Variants in MAPK14 observed in about 807,000 individuals in gnomAD.
MAPK14 encodes the protein CSAID-binding protein.
Under a neutral mutation model 49.6 loss-of-function variants are expected in MAPK14, and 16 were observed. The observed-to-expected ratio is 0.32, with a 90% confidence interval of 0.22 to 0.49. The LOEUF is 0.49. Ranked by LOEUF, MAPK14 falls within the 20% of genes least tolerant of loss-of-function variation. The probability of loss-of-function intolerance (pLI) is 0.99; values close to 1 mark genes in which losing one functional copy is unlikely to be tolerated. For synonymous variants in MAPK14, 142 were observed against 158.0 expected, an observed-to-expected ratio of 0.90 and a Z score of 0.76; for missense variants, 200 against 441.2, an observed-to-expected ratio of 0.45 and a Z score of 4.90.
chr6:36,042,066 A>C (rs919305315), intron 1 of MAPK14, among the ~76,000 whole-genome samples: 6 of 152,154 alleles, frequency 3.9e-5, no homozygotes, highest in African/African-American at 1.2e-4. Flanking sequence ...GAGAATAGAT[A>C]TGAAAAGGAC....
chr6:36,044,615 C>A (rs984184506), intron 1 of MAPK14, among the ~76,000 whole-genome samples: 2 of 152,186 alleles, frequency 1.3e-5, no homozygotes, highest in Non-Finnish European at 2.9e-5. Flanking sequence ...TGGCTCATGC[C>A]TGTAACCCAA....
At chr6:36,035,674 T>C (rs1258053568) in intron 1 of MAPK14, among the ~76,000 whole-genome samples, 1 of 152,256 alleles carries the variant, frequency 6.6e-6, no homozygotes, top group African/African-American at 2.4e-5. Flanking sequence ...TTAAAAATTA[T>C]ATTCCAGTAA....
At chr6:36,034,270 A>T (rs760130678) in intron 1 of MAPK14, among the ~76,000 whole-genome samples, 15 of 152,162 alleles carry the variant, frequency 9.9e-5, no homozygotes, top group Non-Finnish European at 2.1e-4. Flanking sequence ...CCAGATTAAA[A>T]TTTTTTCTGA....
chr6:36,068,364 T>G (rs1396048760), intron 3 of MAPK14, among the ~76,000 whole-genome samples: 1 of 152,114 alleles, frequency 6.6e-6, no homozygotes, highest in African/African-American at 2.4e-5. Flanking sequence ...TGAAAGGAAT[T>G]TTGTGTTTTA....
chr6:36,092,451 A>G (rs1039114141), intron 8 of MAPK14: 3 of 656,980 alleles, frequency 4.6e-6, no homozygotes, highest in Non-Finnish European at 8.6e-6. Flanking sequence ...TCTCTGCAGC[A>G]CAGGGATGAC....
chr6:36,113,281 G>T (rs542510683), downstream of MAPK14, among the ~76,000 whole-genome samples: 39 of 145,372 alleles, frequency 2.7e-4, no homozygotes, highest in South Asian at 8.3e-3. Context: ...GTTCAAGGCT[G>T]CAGTGAGTCA....
At chr6:36,035,480 C>T (rs191360354) in intron 1 of MAPK14, among the ~76,000 whole-genome samples, 1 of 151,870 alleles carries the variant, frequency 6.6e-6, no homozygotes, top group Admixed American at 6.6e-5. Context: ...CAATTAATAA[C>T]ACTACAGTGG....
chr6:36,086,840 A>G (rs1765005325), intron 8 of MAPK14, among the ~76,000 whole-genome samples: 1 of 152,240 alleles, frequency 6.6e-6, no homozygotes, highest in Admixed American at 6.5e-5. Context: ...ATACAACAGA[A>G]AAAGAAAACT....
At chr6:36,064,912 T>C (rs553971003) in intron 3 of MAPK14, among the ~76,000 whole-genome samples, 20 of 152,350 alleles carry the variant, frequency 1.3e-4, no homozygotes, top group African/African-American at 4.6e-4. Context: ...TAATCTAACC[T>C]CACCTAGTCC....
At chr6:36,093,737 A>AC (rs1765339065) in intron 8 of MAPK14, among the ~76,000 whole-genome samples, 1 of 151,732 alleles carries the variant, frequency 6.6e-6, no homozygotes, top group African/African-American at 2.4e-5. Context: ...AAAAAAAAAA[A>AC]AAAAAACAAC....
At chr6:36,122,874 C>T in the MAPK14 span, among the ~76,000 whole-genome samples, 1 of 152,136 alleles carries the variant, frequency 6.6e-6, no homozygotes, top group African/African-American at 2.4e-5. Flanking sequence ...CAGACTCAGC[C>T]CTGTCTCCCA....
intron 2 of MAPK14, among the ~76,000 whole-genome samples, chr6:36,055,697 C>G (rs1283453156): frequency 6.6e-6 from 1 of 151,042 alleles, no homozygotes; most frequent in Non-Finnish European, 1.5e-5. Context: ...TTTGGGAGGC[C>G]AAGGTGGGTG....
intron 1 of MAPK14, among the ~76,000 whole-genome samples, chr6:36,037,993 G>A (rs1181782356): frequency 1.3e-5 from 2 of 151,580 alleles, no homozygotes; most frequent in Non-Finnish European, 2.9e-5. Flanking sequence ...GGGTGACAGA[G>A]TGATACCCTG....
At chr6:36,073,072 T>C (rs1262783789) in intron 4 of MAPK14, 88 bp downstream of exon 4, 2 of 825,716 alleles carry the variant, frequency 2.4e-6, no homozygotes, top group Non-Finnish European at 4.1e-6. Flanking sequence ...TAAACAACTT[T>C]TCTAATGGAA....
chr6:36,080,210 T>G (rs978119539), intron 8 of MAPK14, among the ~76,000 whole-genome samples: 2 of 152,200 alleles, frequency 1.3e-5, no homozygotes, highest in African/African-American at 4.8e-5. Context: ...ATTGCTAGAT[T>G]ACAGGCGCGA....
intron 3 of MAPK14, among the ~76,000 whole-genome samples, chr6:36,059,811 C>A (rs922768219): frequency 1.3e-5 from 2 of 152,176 alleles, no homozygotes; most frequent in Non-Finnish European, 2.9e-5. Flanking sequence ...TGCTACCATG[C>A]CTGGCCGATC....
At chr6:36,095,961 C>T (rs1765429397) in intron 8 of MAPK14, 26 bp from the exon 9 acceptor site, 3 of 1,392,774 alleles carry the variant, frequency 2.2e-6, no homozygotes, top group Admixed American at 1.8e-5. Context: ...TTTGTCCCAA[C>T]ATTTTCCTTT....
intron 8 of MAPK14, among the ~76,000 whole-genome samples, chr6:36,081,854 T>C (rs1456271050): frequency 6.6e-6 from 1 of 152,208 alleles, no homozygotes; most frequent in African/African-American, 2.4e-5. Context: ...TTAACCACTA[T>C]TAAGTCATCC....
rs375819469 is a variant in MAPK14 at position 36,075,991 on chromosome 6, T to G, written c.610+29T>G. The G allele has an allele frequency of 3.1e-6, 5 of 1,610,870 alleles. No individual in the cohort carries two copies. The African/African-American group carries it at 6.7e-5, about 22-fold the overall frequency. On this transcript the variant is annotated intron_variant, in intron 7 of 11. Transcript: ENST00000229794. ...TTACTCGCCTTGGTTATTTAGGGCC[T>G]TATTTAATTCCATGTTGGATGCATT...
Sources: allele counts gnomAD v4.1 joint callset (sites outside exome capture counted in the v4.1 genomes callset), GRCh38; gene constraint gnomAD v4.1.1; transcripts MANE v1.5; gene names NCBI Gene and HGNC (gene_info 2026-07-23, HGNC 2026-07-21).